Variants in NCOR1 observed in about 807,000 individuals in gnomAD.
NCOR1 encodes nuclear receptor corepressor 1, also known as protein phosphatase 1, regulatory subunit 109.
NCOR1 carries 63 observed loss-of-function variants against 288.1 expected under a neutral mutation model. That is an observed-to-expected ratio of 0.22 (90% CI 0.18 to 0.27). NCOR1 has a LOEUF of 0.27. Among genes scored for constraint, NCOR1 ranks in the 10% least tolerant of loss-of-function variants. NCOR1 has a pLI of 1.00. For missense variants in NCOR1, 2,397 were observed against 3,019.2 expected (o/e 0.79, Z 4.83); for synonymous variants, 1,007 against 1,065.9 (o/e 0.94, Z 1.08).
rs544259970 is a variant in NCOR1, at chr17:16,110,669, A to G, written c.2056-1757T>C. 3.9e-5 allele frequency among the ~76,000 whole-genome samples: 6 copies of G among 152,368 alleles called. No individual in the cohort carries two copies. The East Asian group carries it at 1.2e-3, about 29-fold the overall frequency. On this transcript the variant is annotated intron_variant, in intron 18 of 45. Coordinates refer to ENST00000268712, the MANE Select transcript of NCOR1 (RefSeq NM_006311.4). ...TACGTTTCACCTCATATGAGCTGTC[A>G]GCCTCTCCCAGTGAGACTCCTCAGA...
chr17:16,208,040 T>TC (rs1241502986), intron 1 of NCOR1, among the ~76,000 whole-genome samples: 1 of 125,048 alleles, frequency 8.0e-6, no homozygotes, highest in East Asian at 2.1e-4. Context: ...TCTTTCTTTT[T>TC]TTTTTTTTTT....
At position 16,092,677 on chromosome 17, in the gene NCOR1, ATATATATATATATATATATTTTT is replaced by A. The variant is rs1185455873; in HGVS notation, c.2821-642_2821-620del. On this transcript the variant is annotated intron_variant, in intron 21 of 45. Transcript: ENST00000268712. ...TATATATATATATATATATATATAT[ATATATATATATATATATATTTTT>A]TTTTTTTTTTTTTTTTAAGACATAG... Among the ~76,000 whole-genome samples, 17 of 17,744 alleles carry A rather than the reference ATATATATATATATATATATTTTT, an allele frequency of 9.6e-4. 3 individuals carry two copies. The East Asian group carries it at 0.041, about 43-fold the overall frequency. 11.6% of individuals were successfully genotyped at this position (17,744 alleles called of 152,430 possible).
In NCOR1 at chr17:16,127,293, G is replaced by A. The variant is rs887204830; in HGVS notation, c.1510-1087C>T. On this transcript the variant is annotated intron_variant, in intron 14 of 45. Coordinates refer to ENST00000268712, the MANE Select transcript of NCOR1 (RefSeq NM_006311.4). ...TGTATGTATATATACGTGTATATATGTATGTATGTATATATACATGTATGT... is the reference window on the plus strand; with the variant it reads ...TGTATGTATATATACGTGTATATATATATGTATGTATATATACATGTATGT... Among the ~76,000 whole-genome samples, 242 of 61,458 alleles carry A rather than the reference G, an allele frequency of 3.9e-3. 51 individuals are homozygous for A. Among genetic ancestry groups the A allele is most frequent in the Middle Eastern group, 0.028 (3 of 106 alleles). The allele number at this position is 61,458 out of a possible 152,430, so 40.3% of individuals were successfully genotyped here.
At chr17:16,100,116 T>C (rs1456915778) in intron 20 of NCOR1, among the ~76,000 whole-genome samples, 1 of 152,176 alleles carries the variant, frequency 6.6e-6, no homozygotes, top group Admixed American at 6.5e-5. Context: ...GGGTTCGGAT[T>C]AAGTGATGTT....
chr17:16,078,616 C>T (rs1239907788), intron 26 of NCOR1, among the ~76,000 whole-genome samples: 1 of 152,016 alleles, frequency 6.6e-6, no homozygotes, highest in Admixed American at 6.6e-5. Flanking sequence ...CACTCTGCCA[C>T]CCAGGCTGGA....
intron 22 of NCOR1, among the ~76,000 whole-genome samples, chr17:16,087,891 G>A (rs1250512507): frequency 6.6e-6 from 1 of 152,106 alleles, no homozygotes; most frequent in African/African-American, 2.4e-5. Flanking sequence ...TCTCATGTAA[G>A]TTATCTCCAC....
chr17:16,101,289 C>T lies in NCOR1; in HGVS notation c.2651G>A (p.Ser884Asn). The part of the protein sequence containing the change: ...QSDNDSSATC[S>N]ADEDVDGEPE... ...CTCTCCATCCACATCCTCATCAGCG[C>T]TGCACGTGGCACTGGAATCATTGTC... Residue 884 changes from serine (S) to asparagine (N), a missense_variant, in exon 20 of 46, where the codon AGC becomes AAC. Around this residue, in one of 11 missense-constraint regions of NCOR1, gnomAD observed 1,872 missense variants for 2,187.8 expected, o/e 0.86. Coordinates refer to ENST00000268712, the MANE Select transcript of NCOR1 (RefSeq NM_006311.4). The T allele has an allele frequency of 6.2e-7, 1 of 1,611,860 alleles. No individual in the cohort carries two copies. Among genetic ancestry groups the T allele is most frequent in the Non-Finnish European group, 8.5e-7 (1 of 1,178,776 alleles).
rs1266538567 is a variant in NCOR1, at chr17:16,124,312, G to A, written c.1634+1770C>T. Among the ~76,000 whole-genome samples the A allele has an allele frequency of 4.0e-5, 6 of 151,818 alleles. No individual in the cohort carries two copies. The East Asian group carries it at 7.7e-4, about 19-fold the overall frequency. ...AAGGCATTCATGCTAAGTAAAAGAAGCCATACATACTGTATGATTTCAATT... is the reference window on the plus strand; with the variant it reads ...AAGGCATTCATGCTAAGTAAAAGAAACCATACATACTGTATGATTTCAATT... On this transcript the variant is annotated intron_variant, in intron 15 of 45. Transcript: ENST00000268712.
chr17:16,055,173 G>C (rs528852993), intron 40 of NCOR1, among the ~76,000 whole-genome samples: 30 of 152,138 alleles, frequency 2.0e-4, no homozygotes, highest in Non-Finnish European at 3.7e-4. Flanking sequence ...CCCATTACTG[G>C]GTATATACCC....
At chr17:16,113,404 T>C (rs1265216195) in intron 18 of NCOR1, among the ~76,000 whole-genome samples, 1 of 152,146 alleles carries the variant, frequency 6.6e-6, no homozygotes, top group Non-Finnish European at 1.5e-5. Flanking sequence ...AATGTTTTGG[T>C]TGAAGTATAA....
intron 19 of NCOR1, among the ~76,000 whole-genome samples, chr17:16,103,537 C>A (rs1568033485): frequency 6.6e-6 from 1 of 150,388 alleles, no homozygotes; most frequent in Non-Finnish European, 1.5e-5. Context: ...GCCCAGTGGG[C>A]CCCCTCCAGC....
intron 14 of NCOR1, among the ~76,000 whole-genome samples, chr17:16,133,415 C>T (rs1349456548): frequency 1.3e-5 from 2 of 152,138 alleles, no homozygotes; most frequent in African/African-American, 2.4e-5. Context: ...AGTAAACATG[C>T]CATAATGGCT....
At position 16,047,028 on chromosome 17, in the gene NCOR1, G is replaced by A. The variant is rs1328864491; in HGVS notation, c.6602C>T (p.Thr2201Ile). The change falls in exon 42 of 46, where the codon ACA becomes ATA. Residue 2201 changes from threonine (T) to isoleucine (I), a missense_variant. Thr to Ile is a moderately conservative substitution (Grantham distance 89). Transcript: ENST00000268712. The stretch of plus-strand genomic sequence containing the variant: ...CTTCTTTGATTTAACCATGGGTGAT[G>A]TATTTTCAAGCTTGGTGAAGAATGA... ...LPSFFTKLEN[T>I]SPMVKSKKQE... 6.2e-7 allele frequency: 1 copy of A among 1,614,020 alleles called. No homozygotes were observed.
At chr17:16,185,501 C>T (rs1482837782) in intron 3 of NCOR1, among the ~76,000 whole-genome samples, 2 of 151,442 alleles carry the variant, frequency 1.3e-5, no homozygotes, top group Admixed American at 6.6e-5. Flanking sequence ...CTGGTCAACA[C>T]GGCAAAACCC....
intron 19 of NCOR1, 145 bp from the exon 20 acceptor site, chr17:16,101,902 A>G (rs994307703): frequency 9.6e-7 from 1 of 1,041,636 alleles, no homozygotes; most frequent in Non-Finnish European, 1.4e-6. Context: ...GATGAATTCT[A>G]CTCCTTTGAT....
Position 16,080,612 on chromosome 17 carries a change from T to G in NCOR1, c.3293A>C (p.Lys1098Thr). 1.9e-6 allele frequency: 3 copies of G among 1,614,158 alleles called. No individual in the cohort carries two copies. The highest frequency in any genetic ancestry group is 2.5e-6 in the Non-Finnish European group (3 of 1,180,002). The change falls in exon 24 of 46, where the codon AAA becomes ACA. Residue 1098 changes from lysine to threonine, a missense_variant. By Grantham distance (78) the Lys-to-Thr change is moderately conservative. This residue lies in a region of NCOR1 where 1,872 missense variants were observed against 2,187.8 expected (regional missense o/e 0.86). Coordinates refer to ENST00000268712, the MANE Select transcript of NCOR1 (RefSeq NM_006311.4). ...LGLPRQQESA[K>T]SATLPYIKQE... ...GACTGTATTAACTCACTGACCTGAT[T>G]TGGCAGATTCCTGTTGCCGTGGCAG... is the stretch of plus-strand genomic sequence containing the variant.
intron 1 of NCOR1, among the ~76,000 whole-genome samples, chr17:16,197,985 A>T (rs1248322088): frequency 6.6e-6 from 1 of 151,980 alleles, no homozygotes; most frequent in Non-Finnish European, 1.5e-5. Context: ...CTACACATAC[A>T]TACACTCACA....
intron 6 of NCOR1, among the ~76,000 whole-genome samples, chr17:16,153,941 C>T (rs189055869): frequency 4.0e-4 from 60 of 151,268 alleles, no homozygotes; most frequent in South Asian, 2.9e-3. Context: ...CAAAGAAAAC[C>T]GCTAATTTGA....
At chr17:16,088,749 G>A (rs1231154010) in intron 22 of NCOR1, among the ~76,000 whole-genome samples, 1 of 152,044 alleles carries the variant, frequency 6.6e-6, no homozygotes. Flanking sequence ...CTGAGGCTCA[G>A]AAAAATCACA....
Sources: gnomAD v4.1 joint callset for allele counts (sites outside exome capture counted in the v4.1 genomes callset) on GRCh38, gnomAD v4.1.1 for gene constraint, gnomAD v4.1.1 regional missense constraint, MANE v1.5 for transcripts, NCBI Gene and HGNC (gene_info 2026-07-23, HGNC 2026-07-21) for gene names.